Variants in RBFOX1 observed in about 807,000 individuals in gnomAD.
RBFOX1 encodes the protein RNA binding protein fox-1 homolog 1.
RBFOX1 carries 8 observed loss-of-function variants against 57.7 expected under a neutral mutation model. That is an observed-to-expected ratio of 0.14 (90% confidence interval 0.08 to 0.25). The LOEUF (loss-of-function observed/expected upper bound fraction) is 0.25, where lower values mean the gene tolerates loss of function less well. RBFOX1 is among the 10% of genes least tolerant of loss of function. RBFOX1 has a pLI of 1.00. For missense variants in RBFOX1, 611 were observed against 548.5 expected, an observed-to-expected ratio of 1.11 and a Z score of -1.14; for synonymous variants, 326 against 222.4, an observed-to-expected ratio of 1.47 and a Z score of -4.15.
intron 4 of RBFOX1, among the ~76,000 whole-genome samples, chr16:7,106,058 T>A (rs1400106769): frequency 6.6e-6 from 1 of 152,186 alleles, no homozygotes; most frequent in Non-Finnish European, 1.5e-5. Flanking sequence ...TCTGGAATAT[T>A]TAAAACTATT....
At chr16:6,615,182 A>G (rs967192802) in intron 2 of RBFOX1, among the ~76,000 whole-genome samples, 4 of 152,214 alleles carry the variant, frequency 2.6e-5, no homozygotes, top group Non-Finnish European at 5.9e-5. Flanking sequence ...CCCTCTAGAA[A>G]TGGCATTTTT....
intron 4 of RBFOX1, among the ~76,000 whole-genome samples, chr16:5,881,700 A>G (rs1198626103): frequency 1.3e-5 from 2 of 152,170 alleles, no homozygotes; most frequent in African/African-American, 2.4e-5. Flanking sequence ...TTTTTTTAAA[A>G]AAAGATCAGG....
intron 3 of RBFOX1, among the ~76,000 whole-genome samples, chr16:5,804,052 C>G (rs962702853): frequency 3.3e-5 from 5 of 152,218 alleles, no homozygotes; most frequent in Admixed American, 6.5e-5. Flanking sequence ...GCAATTGCAT[C>G]TATTCTTCCA....
At chr16:7,270,626 T>TTAAAATAC (rs1440306763) in intron 4 of RBFOX1, among the ~76,000 whole-genome samples, 11 of 152,320 alleles carry the variant, frequency 7.2e-5, no homozygotes, top group Non-Finnish European at 5.9e-5. Context: ...AATTCAGTGT[T>TTAAAATAC]TAAAATACTA....
At chr16:7,186,482 A>T (rs1314003882) in intron 4 of RBFOX1, among the ~76,000 whole-genome samples, 1 of 130,906 alleles carries the variant, frequency 7.6e-6, no homozygotes, top group African/African-American at 3.0e-5. Flanking sequence ...AAATATAAGC[A>T]TAAACATATT....
intron 3 of RBFOX1, among the ~76,000 whole-genome samples, chr16:6,741,100 C>T (rs1350945230): frequency 1.3e-5 from 2 of 151,990 alleles, no homozygotes; most frequent in African/African-American, 2.4e-5. Flanking sequence ...GCCAGTAATG[C>T]AAAAGCAATT....
In RBFOX1 at chr16:7,501,341, T is replaced by C. The variant is rs138094160; in HGVS notation, c.28-16806T>C. 1.9e-3 allele frequency among the ~76,000 whole-genome samples: 292 copies of C among 152,350 alleles called. 1 individual carries two copies. Among genetic ancestry groups the C allele is most frequent in the South Asian group, 4.1e-3 (20 of 4,828 alleles). On this transcript the variant is annotated intron_variant, in intron 4 of 15. Transcript: ENST00000550418. Reference sequence around the variant, plus strand: ...TCTGTTCTTACCCTTCCTCTTTCCTTCCATTCATAAGACAAAGGAATGCAT... The same window carrying C: ...TCTGTTCTTACCCTTCCTCTTTCCTCCCATTCATAAGACAAAGGAATGCAT...
intron 1 of RBFOX1, among the ~76,000 whole-genome samples, chr16:5,433,885 G>A (rs2151519685): frequency 1.3e-5 from 2 of 152,268 alleles, no homozygotes; most frequent in Admixed American, 1.3e-4. Flanking sequence ...GGAGACCGAG[G>A]ACGTTAGAGA....
intron 2 of RBFOX1, among the ~76,000 whole-genome samples, chr16:5,559,887 C>T (rs933182721): frequency 2.2e-5 from 3 of 137,746 alleles, no homozygotes; most frequent in Non-Finnish European, 4.8e-5. Flanking sequence ...TGCTGTACTC[C>T]AGCCATCCTG....
intron 4 of RBFOX1, among the ~76,000 whole-genome samples, chr16:7,129,255 C>T (rs771157031): frequency 6.8e-4 from 104 of 152,174 alleles, no homozygotes; most frequent in Non-Finnish European, 1.3e-3. Flanking sequence ...GATAGTAACC[C>T]CACAATTGAA....
intron 1 of RBFOX1, among the ~76,000 whole-genome samples, chr16:6,198,920 T>A (rs1356444420): frequency 6.6e-6 from 1 of 152,066 alleles, no homozygotes; most frequent in Non-Finnish European, 1.5e-5. Flanking sequence ...CATCCGCTTC[T>A]TTTTACATTA....
intron 4 of RBFOX1, among the ~76,000 whole-genome samples, chr16:7,222,220 C>T (rs1019110345): frequency 6.6e-6 from 1 of 152,160 alleles, no homozygotes; most frequent in Non-Finnish European, 1.5e-5. Context: ...CACAAAGGGC[C>T]TTGCATTCTT....
At chr16:7,051,258 C>G (rs555222145) in intron 3 of RBFOX1, among the ~76,000 whole-genome samples, 12 of 152,304 alleles carry the variant, frequency 7.9e-5, no homozygotes, top group African/African-American at 2.9e-4. Context: ...AAAATTCCTT[C>G]TATGTGTTCC....
At chr16:5,277,378 A>C (rs2063167049) in intron 1 of RBFOX1, among the ~76,000 whole-genome samples, 1 of 152,178 alleles carries the variant, frequency 6.6e-6, no homozygotes, top group African/African-American at 2.4e-5. Context: ...GTGTGCCAAA[A>C]TTTCAGAGAT....
intron 2 of RBFOX1, among the ~76,000 whole-genome samples, chr16:6,384,826 C>G (rs1448352272): frequency 2.0e-5 from 3 of 152,202 alleles, no homozygotes; most frequent in Non-Finnish European, 4.4e-5. Flanking sequence ...TCATGGAGCT[C>G]TTGGTCAGCC....
intron 3 of RBFOX1, among the ~76,000 whole-genome samples, chr16:7,045,894 A>C (rs1028110447): frequency 5.3e-5 from 8 of 152,094 alleles, no homozygotes; most frequent in Non-Finnish European, 7.4e-5. Flanking sequence ...CTGACCTCAG[A>C]TGATCTGCCC....
intron 3 of RBFOX1, among the ~76,000 whole-genome samples, chr16:7,042,172 G>C (rs370189082): frequency 5.3e-5 from 8 of 152,226 alleles, no homozygotes; most frequent in Admixed American, 3.3e-4. Context: ...GACAACACTA[G>C]CTAGTCGGTG....
intron 4 of RBFOX1, among the ~76,000 whole-genome samples, chr16:7,129,879 A>G (rs2069741782): frequency 6.6e-6 from 1 of 151,940 alleles, no homozygotes; most frequent in African/African-American, 2.4e-5. Context: ...GTGGATGAAA[A>G]AATAAGCAAT....
chr16:6,393,810 C>T (rs1184544867), intron 2 of RBFOX1, among the ~76,000 whole-genome samples: 1 of 152,166 alleles, frequency 6.6e-6, no homozygotes, highest in Non-Finnish European at 1.5e-5. Context: ...ATTAATTCAT[C>T]ATGTCATCTG....
Sources: gnomAD v4.1 joint callset for allele counts (sites outside exome capture counted in the v4.1 genomes callset) on GRCh38, gnomAD v4.1.1 for gene constraint, MANE v1.5 for transcripts, NCBI Gene and HGNC (gene_info 2026-07-23, HGNC 2026-07-21) for gene names.